The following PCDH7 variants were observed in gnomAD, a reference collection of about 807,000 sequenced individuals.
PCDH7 encodes the protein protocadherin-7.
Under a neutral mutation model 58.9 loss-of-function variants are expected in PCDH7, and 17 were observed. The ratio of observed to expected loss-of-function variants is 0.29; its 90% CI spans 0.20 to 0.43. The LOEUF is 0.43. PCDH7 is among the 20% of genes least tolerant of loss of function. PCDH7 has a pLI of 1.00. For synonymous variants in PCDH7, 664 were observed against 616.4 expected, an observed-to-expected ratio of 1.08 and a Z score of -1.14; for missense variants, 1,274 against 1,441.0, an observed-to-expected ratio of 0.88 and a Z score of 1.88.
rs565576599 is a variant in PCDH7, at chr4:31,116,817, G to A, written c.*8-25656G>A. Among the ~76,000 whole-genome samples, 7 of 152,116 alleles carry A rather than the reference G, an allele frequency of 4.6e-5. No individual in the cohort carries two copies. The East Asian group carries it at 7.8e-4, about 17-fold the overall frequency. On this transcript the variant is annotated intron_variant, in intron 3 of 3. Transcript: ENST00000509759. ...TATCTAACATTCAAACTGAATATTT[G>A]TGGGGTTTTTTTGTTGTTGTTGTTT... is the stretch of plus-strand genomic sequence containing the variant.
chr4:31,057,144 T>C (rs1757324633), intron 3 of PCDH7, among the ~76,000 whole-genome samples: 2 of 152,210 alleles, frequency 1.3e-5, no homozygotes, highest in African/African-American at 2.4e-5. Flanking sequence ...TCTTATTCTT[T>C]TGCCAACTTT....
At chr4:31,041,324 T>C (rs1755840495) in intron 3 of PCDH7, among the ~76,000 whole-genome samples, 1 of 152,198 alleles carries the variant, frequency 6.6e-6, no homozygotes. Flanking sequence ...GATGAAAATA[T>C]TTTAGTAATA....
chr4:31,056,458 G>GAAA (rs376643176), intron 3 of PCDH7, among the ~76,000 whole-genome samples: 5,473 of 83,042 alleles, frequency 0.066, 360 homozygotes, highest in African/African-American at 0.1. Context: ...AAGAAAGAAA[G>GAAA]AAGAAAGAAA....
At chr4:30,800,629 C>T (rs1423939275) in intron 1 of PCDH7, among the ~76,000 whole-genome samples, 1 of 152,184 alleles carries the variant, frequency 6.6e-6, no homozygotes, top group Non-Finnish European at 1.5e-5. Flanking sequence ...TTTAATGATA[C>T]AAGAACCTTT....
intron 1 of PCDH7, among the ~76,000 whole-genome samples, chr4:30,805,177 G>A (rs1350586924): frequency 1.3e-5 from 2 of 152,098 alleles, no homozygotes; most frequent in African/African-American, 2.4e-5. Context: ...ATGTCTTATA[G>A]TGCCCCCAGG....
chr4:31,007,411 GA>G lies in PCDH7; in HGVS notation c.*7+57198del, dbSNP rs144506434. The stretch of plus-strand genomic sequence containing the variant: ...CTTTCTTCCTCTATTTTCCTCCTGT[GA>G]ATTTGGTGTCAAAGTACCTTGTCAA... On this transcript the variant is annotated intron_variant, in intron 3 of 3. Coordinates refer to the PCDH7 transcript ENST00000509759. Among the ~76,000 whole-genome samples the G allele has an allele frequency of 9.3e-3, 1,408 of 152,210 alleles. 18 individuals are homozygous for G. The highest frequency in any genetic ancestry group is 0.031 in the African/African-American group (1,279 of 41,518).
exon 2 of PCDH7, chr4:30,920,160 G>A (rs1167434346): frequency 2.2e-6 from 3 of 1,367,072 alleles, no homozygotes; most frequent in Admixed American, 1.9e-5. Flanking sequence ...CAGCCATTTC[G>A]TAGAGTGACG....
intron 3 of PCDH7, among the ~76,000 whole-genome samples, chr4:31,119,825 T>G (rs1717439991): frequency 6.6e-6 from 1 of 152,046 alleles, no homozygotes; most frequent in South Asian, 2.1e-4. Context: ...CCTTTTCCAG[T>G]GGACTGTGCC....
chr4:31,037,784 G>A (rs1755540670), intron 3 of PCDH7, among the ~76,000 whole-genome samples: 1 of 152,178 alleles, frequency 6.6e-6, no homozygotes, highest in Non-Finnish European at 1.5e-5. Flanking sequence ...CTGCTGTGAG[G>A]CCAGCATTTG....
intron 3 of PCDH7, among the ~76,000 whole-genome samples, chr4:31,072,394 T>A (rs1269064569): frequency 6.6e-6 from 1 of 152,086 alleles, no homozygotes; most frequent in Non-Finnish European, 1.5e-5. Context: ...TAAAGACTCA[T>A]GCATGAATAA....
intron 3 of PCDH7, among the ~76,000 whole-genome samples, chr4:30,960,737 G>A (rs1036124840): frequency 6.6e-6 from 1 of 152,116 alleles, no homozygotes; most frequent in Non-Finnish European, 1.5e-5. Flanking sequence ...AATTCTAGCT[G>A]TTAAGAAGGC....
Position 31,125,175 on chromosome 4 carries a change from C to T in PCDH7, c.*8-17298C>T, listed in dbSNP as rs551516974. Among the ~76,000 whole-genome samples, 32 of 152,228 alleles carry T rather than the reference C, an allele frequency of 2.1e-4. 1 individual carries two copies. The South Asian group carries it at 3.9e-3, about 19-fold the overall frequency. On this transcript the variant is annotated intron_variant, in intron 3 of 3. Coordinates refer to the PCDH7 transcript ENST00000509759. ...TTGACTTGGATACAAAATTTTCCAT[C>T]TCATTCAAGGACCAACTGAGGGACA...
In PCDH7 at chr4:30,958,000, T is replaced by C. The variant is rs575252359; in HGVS notation, c.*7+7785T>C. 2.0e-5 allele frequency among the ~76,000 whole-genome samples: 3 copies of C among 152,236 alleles called. No homozygotes were observed. In the South Asian group the frequency reaches 6.2e-4, roughly 32 times the overall value. On this transcript the variant is annotated intron_variant, in intron 3 of 3. Transcript: ENST00000509759. ...CTTGAACTTAAGAAAATTGTCATTA[T>C]GCTTTAGAGACCGAAAATATCTGCT...
At chr4:31,080,280 G>A (rs1462973400) in intron 3 of PCDH7, among the ~76,000 whole-genome samples, 1 of 150,672 alleles carries the variant, frequency 6.6e-6, no homozygotes, top group Non-Finnish European at 1.5e-5. Flanking sequence ...TGTTTAGAAA[G>A]TTTTTTTTTT....
chr4:30,912,741 C>G (rs1431480991), intron 1 of PCDH7, among the ~76,000 whole-genome samples: 2 of 152,088 alleles, frequency 1.3e-5, no homozygotes, highest in African/African-American at 2.4e-5. Flanking sequence ...GGGTCCTATC[C>G]TTTTGCCAAT....
chr4:31,028,755 G>A (rs1754654455), intron 3 of PCDH7, among the ~76,000 whole-genome samples: 1 of 152,002 alleles, frequency 6.6e-6, no homozygotes, highest in South Asian at 2.1e-4. Context: ...TCTTCATGAT[G>A]GATAATGCAT....
chr4:30,779,003 GTTTTTT>G (rs386399674), intron 1 of PCDH7, among the ~76,000 whole-genome samples: 5 of 73,004 alleles, frequency 6.8e-5, no homozygotes, highest in East Asian at 4.8e-4. Context: ...TCCTTACTCC[GTTTTTT>G]TTTTTTTTTT....
At chr4:30,796,025 T>G (rs886689559) in intron 1 of PCDH7, among the ~76,000 whole-genome samples, 1 of 152,182 alleles carries the variant, frequency 6.6e-6, no homozygotes, top group Non-Finnish European at 1.5e-5. Flanking sequence ...ATCTCCATTT[T>G]CATTTTTTTG....
chr4:30,801,434 A>C (rs774213697), intron 1 of PCDH7, among the ~76,000 whole-genome samples: 1 of 152,160 alleles, frequency 6.6e-6, no homozygotes, highest in Non-Finnish European at 1.5e-5. Flanking sequence ...AAGCCAATGA[A>C]GTAAACTTAG....
Sources: allele counts gnomAD v4.1 joint callset (sites outside exome capture counted in the v4.1 genomes callset), GRCh38; gene constraint gnomAD v4.1.1; transcripts MANE v1.5; gene names NCBI Gene and HGNC (gene_info 2026-07-23, HGNC 2026-07-21).